The following TRPM3 variants were observed in gnomAD, a reference collection of about 807,000 sequenced individuals.
TRPM3 encodes long transient receptor potential channel 3.
Under a neutral mutation model 181.2 loss-of-function variants are expected in TRPM3, and 77 were observed. The ratio of observed to expected loss-of-function variants is 0.42; its 90% CI spans 0.35 to 0.51. The LOEUF is 0.51. TRPM3 is among the 20% of genes least tolerant of loss of function. The pLI is 0.01. For missense variants in TRPM3, 1,759 were observed against 2,196.7 expected (o/e 0.80, Z 3.98); for synonymous variants, 745 against 796.4 (o/e 0.94, Z 1.09).
intron 1 of TRPM3, among the ~76,000 whole-genome samples, chr9:70,981,437 T>C (rs1352201086): frequency 1.3e-5 from 2 of 152,064 alleles, no homozygotes; most frequent in African/African-American, 4.8e-5. Flanking sequence ...CTTGAAAAGG[T>C]GGGAGTGTCA....
At chr9:70,561,468 T>C (rs1325962220) in intron 22 of TRPM3, among the ~76,000 whole-genome samples, 1 of 152,192 alleles carries the variant, frequency 6.6e-6, no homozygotes, top group Non-Finnish European at 1.5e-5. Context: ...AGGTTTTCTC[T>C]GTGGAAACAT....
In TRPM3 at chr9:70,617,195, T is replaced by C. The variant is rs71505903; in HGVS notation, c.2359-1120A>G. Among the ~76,000 whole-genome samples the C allele has an allele frequency of 6.0e-3, 909 of 152,288 alleles. 8 individuals carry two copies. The highest frequency in any genetic ancestry group is 0.02 in the Middle Eastern group (6 of 294). On this transcript the variant is annotated intron_variant, in intron 17 of 25. Coordinates refer to ENST00000677713, the MANE Select transcript of TRPM3 (RefSeq NM_001366145.2). ...CGAAGGCTCAGGTGGCATGCTGGCATCTTCAGGGGACATGACACCCTGTCC... is the reference window on the plus strand; with the variant it reads ...CGAAGGCTCAGGTGGCATGCTGGCACCTTCAGGGGACATGACACCCTGTCC...
At chr9:70,596,613 C>G (rs894213527) in intron 21 of TRPM3, among the ~76,000 whole-genome samples, 2 of 151,646 alleles carry the variant, frequency 1.3e-5, no homozygotes, top group African/African-American at 4.8e-5. Flanking sequence ...TGACTGTAGT[C>G]CCAGCTGCTC....
At chr9:71,358,780 C>T (rs1171044222) in intron 1 of TRPM3, among the ~76,000 whole-genome samples, 1 of 152,086 alleles carries the variant, frequency 6.6e-6, no homozygotes, top group Non-Finnish European at 1.5e-5. Flanking sequence ...CACTTGATCA[C>T]GGTGAAGTGG....
At chr9:70,611,057 T>C (rs188062274) in intron 18 of TRPM3, among the ~76,000 whole-genome samples, 258 of 152,296 alleles carry the variant, frequency 1.7e-3, no homozygotes, top group African/African-American at 5.5e-3. Context: ...CAGTGTAGCC[T>C]GGGAAGGCCA....
intron 1 of TRPM3, among the ~76,000 whole-genome samples, chr9:71,176,734 C>A (rs2134860206): frequency 6.6e-6 from 1 of 152,196 alleles, no homozygotes; most frequent in Non-Finnish European, 1.5e-5. Flanking sequence ...GGTGCATGCC[C>A]TATACAGGTA....
chr9:71,096,590 A>ACTCTCT (rs71367255), intron 1 of TRPM3, among the ~76,000 whole-genome samples: 31 of 90,042 alleles, frequency 3.4e-4, no homozygotes, highest in South Asian at 4.9e-4. Flanking sequence ...ACACACACAC[A>ACTCTCT]CTCTCTCTCT....
At chr9:71,228,271 A>C (rs1033269977) in intron 1 of TRPM3, among the ~76,000 whole-genome samples, 8 of 152,252 alleles carry the variant, frequency 5.3e-5, no homozygotes, top group African/African-American at 1.9e-4. Flanking sequence ...ATTTTTGCTA[A>C]AACTCAACAT....
intron 1 of TRPM3, among the ~76,000 whole-genome samples, chr9:71,013,327 G>A (rs1397578669): frequency 1.3e-5 from 2 of 151,912 alleles, no homozygotes; most frequent in African/African-American, 4.8e-5. Flanking sequence ...TTTATGATGT[G>A]GTGTTAGATT....
intron 1 of TRPM3, among the ~76,000 whole-genome samples, chr9:71,345,891 T>A (rs2091264668): frequency 6.6e-6 from 1 of 152,198 alleles, no homozygotes; most frequent in Non-Finnish European, 1.5e-5. Flanking sequence ...ATGGCTCACC[T>A]TGAAAAGGCT....
intron 7 of TRPM3, chr9:70,776,123 G>A (rs765682430): frequency 1.2e-4 from 29 of 233,620 alleles, no homozygotes; most frequent in Non-Finnish European, 2.0e-4. Flanking sequence ...TAAAATTTGA[G>A]AATCATGGTC....
chr9:70,835,568 C>T (rs910943066), intron 5 of TRPM3, among the ~76,000 whole-genome samples: 1 of 152,004 alleles, frequency 6.6e-6, no homozygotes, highest in South Asian at 2.1e-4. Flanking sequence ...ACTCTCCTCA[C>T]ACCTTTGACC....
At chr9:70,807,715 GC>G (rs1422674922) in intron 6 of TRPM3, among the ~76,000 whole-genome samples, 2 of 152,156 alleles carry the variant, frequency 1.3e-5, no homozygotes, top group Non-Finnish European at 2.9e-5. Flanking sequence ...GACTGTGAAG[GC>G]AGATGGGAGA....
intron 1 of TRPM3, among the ~76,000 whole-genome samples, chr9:71,003,752 C>T (rs1178941742): frequency 6.6e-6 from 1 of 151,106 alleles, no homozygotes; most frequent in Non-Finnish European, 1.5e-5. Flanking sequence ...AAGAGCCCCC[C>T]GAAATCACTC....
chr9:70,699,642 G>A (rs2071749705), intron 8 of TRPM3, among the ~76,000 whole-genome samples: 1 of 152,174 alleles, frequency 6.6e-6, no homozygotes, highest in African/African-American at 2.4e-5. Context: ...AGATCACTAA[G>A]CTGATAAGTG....
chr9:70,664,945 G>A (rs769896260), intron 9 of TRPM3, among the ~76,000 whole-genome samples: 2 of 152,008 alleles, frequency 1.3e-5, no homozygotes, highest in Admixed American at 6.5e-5. Flanking sequence ...CCACCACACC[G>A]GCCTAGGAAC....
intron 9 of TRPM3, among the ~76,000 whole-genome samples, chr9:70,672,067 T>C (rs969291385): frequency 2.0e-5 from 3 of 152,102 alleles, no homozygotes; most frequent in African/African-American, 7.2e-5. Context: ...GAGATGTGTA[T>C]TTCTTTTAGT....
intron 1 of TRPM3, among the ~76,000 whole-genome samples, chr9:71,175,383 T>C (rs2077056201): frequency 6.6e-6 from 1 of 152,142 alleles, no homozygotes; most frequent in South Asian, 2.1e-4. Flanking sequence ...CCAAGGATTA[T>C]CAGTGCATAT....
intron 3 of TRPM3, 62 bp downstream of exon 3, chr9:70,862,846 C>A: frequency 6.5e-7 from 1 of 1,544,354 alleles, no homozygotes; most frequent in Non-Finnish European, 8.9e-7. Context: ...TCTTAACCAC[C>A]CCTTTGCAGG....
Sources: gnomAD v4.1 joint callset for allele counts (sites outside exome capture counted in the v4.1 genomes callset) on GRCh38, gnomAD v4.1.1 for gene constraint, MANE v1.5 for transcripts, NCBI Gene and HGNC (gene_info 2026-07-23, HGNC 2026-07-21) for gene names.